Variants in PAX5 observed in about 807,000 individuals in gnomAD.
PAX5 encodes paired box protein Pax-5.
Under a neutral mutation model 43.7 loss-of-function variants are expected in PAX5, and 9 were observed. The ratio of observed to expected loss-of-function variants is 0.21; its 90% confidence interval spans 0.12 to 0.36. The LOEUF (loss-of-function observed/expected upper bound fraction) is 0.36. Among genes scored for constraint, PAX5 ranks in the 10% least tolerant of loss-of-function variants. PAX5 has a pLI of 1.00. For synonymous variants in PAX5, 228 were observed against 214.3 expected (o/e 1.06, Z -0.56); for missense variants, 383 against 532.7 (o/e 0.72, Z 2.77).
chr9:36,834,074 C>T lies in PAX5; in HGVS notation c.*6486G>A, dbSNP rs151163744. 8.6e-6 allele frequency: 2 copies of T among 233,198 alleles called. No individual in the cohort carries two copies. The highest frequency in any genetic ancestry group is 6.0e-5 in the East Asian group (1 of 16,578). 14.4% of individuals were successfully genotyped at this position (233,198 alleles called of 1,614,324 possible). On this transcript the variant is annotated 3_prime_UTR_variant, in exon 10 of 10. Transcript: ENST00000358127. ...TGCATTTCTACAAATACTCAATGTC[C>T]AAGGCCACTAGAGGGTGAAAAACCA... is the stretch of plus-strand genomic sequence containing the variant.
chr9:36,838,713 G>C lies in PAX5; in HGVS notation c.*1847C>G, dbSNP rs1821816605. On this transcript the variant is annotated 3_prime_UTR_variant, in exon 10 of 10. Coordinates refer to ENST00000358127, the MANE Select transcript of PAX5 (RefSeq NM_016734.3). ...CCCACCCCCATCTGCTTGCTTGGAAGTGGAGGGCCTGCCCCAGATGATCCT... is the reference window on the plus strand; with the variant it reads ...CCCACCCCCATCTGCTTGCTTGGAACTGGAGGGCCTGCCCCAGATGATCCT... The C allele has an allele frequency of 4.3e-6, 1 of 233,130 alleles. No individual in the cohort carries two copies. The highest frequency in any genetic ancestry group is 1.8e-4 in the South Asian group (1 of 5,528). 14.4% of individuals were successfully genotyped at this position (233,130 alleles called of 1,614,324 possible). A position where few individuals can be genotyped will look rare whatever the true frequency, so the allele number is the denominator to read the frequency against.
chr9:36,840,479 T>G lies in PAX5; in HGVS notation c.*81A>C. ...TGCTGGGGGACGGTCTCATGGGCTC[T>G]CTGGCTATCTTCAGGAGGGCTGGGT... On this transcript the variant is annotated 3_prime_UTR_variant, in exon 10 of 10. Transcript: ENST00000358127. 7.3e-7 allele frequency: 1 copy of G among 1,372,230 alleles called. No homozygotes were observed. Among genetic ancestry groups the G allele is most frequent in the South Asian group, 1.2e-5 (1 of 80,776 alleles). The allele number at this position is 1,372,230 out of a possible 1,614,324, so 85.0% of individuals were successfully genotyped here.
At chr9:37,020,123 T>C (rs1000198741) in intron 2 of PAX5, among the ~76,000 whole-genome samples, 2 of 151,208 alleles carry the variant, frequency 1.3e-5, no homozygotes, top group African/African-American at 4.9e-5. Flanking sequence ...TCTTCTCTAA[T>C]TTAATATATA....
Position 36,909,814 on chromosome 9 carries a change from A to ATTTTTTTT in PAX5, c.910+13533_910+13540dup, listed in dbSNP as rs752114508. On this transcript the variant is annotated intron_variant, in intron 7 of 9. Coordinates refer to ENST00000358127, the MANE Select transcript of PAX5 (RefSeq NM_016734.3). ...TTTCCAAGAGAAGCTAGACATTTTA[A>ATTTTTTTT]TTTTTTTTTTTTTTTTTTTTTTTTA... 4.1e-4 allele frequency among the ~76,000 whole-genome samples: 38 copies of ATTTTTTTT among 91,878 alleles called. 2 individuals carry two copies. Among genetic ancestry groups the ATTTTTTTT allele is most frequent in the African/African-American group, 8.7e-4 (18 of 20,742 alleles). 60.3% of individuals were successfully genotyped at this position (91,878 alleles called of 152,430 possible). A position where few individuals can be genotyped will look rare whatever the true frequency, so the allele number is the denominator to read the frequency against.
At chr9:36,847,259 C>A (rs1822681314) in intron 8 of PAX5, among the ~76,000 whole-genome samples, 1 of 152,150 alleles carries the variant, frequency 6.6e-6, no homozygotes, top group African/African-American at 2.4e-5. Context: ...AGGCTGATGC[C>A]CAGGTCGTCT....
rs1432442767 is a variant in PAX5, at chr9:36,840,137, G to A, written c.*423C>T. On this transcript the variant is annotated 3_prime_UTR_variant, in exon 10 of 10. Transcript: ENST00000358127. ...CATGGGTGGAGCAGTCTTCTCAGTCGGACCTTCAGGCCCACAGAAAAGCAA... is the reference window on the plus strand; with the variant it reads ...CATGGGTGGAGCAGTCTTCTCAGTCAGACCTTCAGGCCCACAGAAAAGCAA... 3 of 376,012 alleles carry A rather than the reference G, an allele frequency of 8.0e-6. No individual in the cohort carries two copies. The highest frequency in any genetic ancestry group is 4.3e-5 in the Admixed American group (1 of 23,170). The allele number at this position is 376,012 out of a possible 1,614,324, so 23.3% of individuals were successfully genotyped here.
Position 36,940,700 on chromosome 9 carries a change from AG to A in PAX5, c.781-17217del, listed in dbSNP as rs200720824. 2.3e-3 allele frequency among the ~76,000 whole-genome samples: 355 copies of A among 152,110 alleles called. 3 individuals carry two copies. The East Asian group carries it at 0.037, about 16-fold the overall frequency. On this transcript the variant is annotated intron_variant, in intron 6 of 9. Transcript: ENST00000358127. ...GGCAGGGCTCTCAGTGCACAGCACCAGGGAGAATCGAATTTGAGTCTGGAGA... is the reference window on the plus strand; with the variant it reads ...GGCAGGGCTCTCAGTGCACAGCACCAGGAGAATCGAATTTGAGTCTGGAGA...
At chr9:36,873,982 A>G (rs34547442) in intron 8 of PAX5, among the ~76,000 whole-genome samples, 6,769 of 152,256 alleles carry the variant, frequency 0.044, 284 homozygotes, top group African/African-American at 0.1. Flanking sequence ...GAGCTGGGCC[A>G]GGATGCTGCC....
At chr9:37,023,036 G>A (rs1194914280) in intron 1 of PAX5, among the ~76,000 whole-genome samples, 1 of 152,154 alleles carries the variant, frequency 6.6e-6, no homozygotes, top group Admixed American at 6.5e-5. Flanking sequence ...GAAGTCCAAA[G>A]TCTGAATGAG....
intron 6 of PAX5, among the ~76,000 whole-genome samples, chr9:36,941,791 GC>G (rs1319479811): frequency 1.3e-5 from 2 of 151,444 alleles, no homozygotes; most frequent in African/African-American, 4.9e-5. Context: ...GGAGGTGGGG[GC>G]GGGGGTGGGA....
chr9:36,867,324 T>C (rs1474704704), intron 8 of PAX5, among the ~76,000 whole-genome samples: 1 of 152,186 alleles, frequency 6.6e-6, no homozygotes, highest in Non-Finnish European at 1.5e-5. Context: ...ACCCTTCTTT[T>C]GCATCACACA....
At chr9:36,872,202 TCTC>T (rs144070901) in intron 8 of PAX5, among the ~76,000 whole-genome samples, 2,763 of 152,234 alleles carry the variant, frequency 0.018, 31 homozygotes, top group Middle Eastern at 0.065. Context: ...CTCAGGCTCT[TCTC>T]CTTCAGTCCA....
chr9:36,840,273 C>T lies in PAX5; in HGVS notation c.*287G>A. The T allele has an allele frequency of 1.9e-6, 1 of 539,688 alleles. No individual in the cohort carries two copies. The highest frequency in any genetic ancestry group is 3.3e-6 in the Non-Finnish European group (1 of 303,184). The allele number at this position is 539,688 out of a possible 1,614,324, so 33.4% of individuals were successfully genotyped here. The stretch of plus-strand genomic sequence containing the variant: ...ACAGCTGGAGGACAGGCAGGCTGGG[C>T]TGGGGCTGCGGTTATTTGCAGGACA... On this transcript the variant is annotated 3_prime_UTR_variant, in exon 10 of 10. Coordinates refer to ENST00000358127, the MANE Select transcript of PAX5 (RefSeq NM_016734.3).
chr9:36,932,420 A>G (rs1373390715), intron 6 of PAX5, among the ~76,000 whole-genome samples: 1 of 152,248 alleles, frequency 6.6e-6, no homozygotes, highest in Non-Finnish European at 1.5e-5. Flanking sequence ...AAAGGGGTGG[A>G]GTGCTGATAC....
At chr9:36,975,487 G>A (rs551502322) in intron 5 of PAX5, among the ~76,000 whole-genome samples, 5 of 151,766 alleles carry the variant, frequency 3.3e-5, no homozygotes, top group Admixed American at 3.3e-4. Flanking sequence ...CCGGGTTCAC[G>A]CCATTCTCCT....
intron 8 of PAX5, chr9:36,861,089 G>C (rs1824173166): frequency 6.6e-6 from 1 of 152,320 alleles, no homozygotes; most frequent in African/African-American, 2.4e-5. Context: ...GGAAAGATAA[G>C]TGAAGAAACC....
chr9:36,876,730 C>A (rs1303654449), intron 8 of PAX5, among the ~76,000 whole-genome samples: 1 of 152,184 alleles, frequency 6.6e-6, no homozygotes, highest in Non-Finnish European at 1.5e-5. Flanking sequence ...ATGCTATATT[C>A]GCTTTCTTCA....
chr9:36,937,005 A>G (rs560067394), intron 6 of PAX5, among the ~76,000 whole-genome samples: 1 of 152,300 alleles, frequency 6.6e-6, no homozygotes, highest in South Asian at 2.1e-4. Flanking sequence ...AAGGATTCCT[A>G]GGGCCAAACA....
intron 5 of PAX5, among the ~76,000 whole-genome samples, chr9:36,989,345 C>CTAG (rs1344922165): frequency 6.6e-6 from 1 of 150,458 alleles, no homozygotes; most frequent in African/African-American, 2.4e-5. Flanking sequence ...CAGTAAGCAC[C>CTAG]TAGGTACTAG....
Sources: allele counts gnomAD v4.1 joint callset (sites outside exome capture counted in the v4.1 genomes callset), GRCh38; gene constraint gnomAD v4.1.1; transcripts MANE v1.5; gene names NCBI Gene and HGNC (gene_info 2026-07-23, HGNC 2026-07-21).